GJA8: variants seen among roughly 807,000 people sequenced by gnomAD.
The protein encoded by GJA8 is gap junction protein alpha 8.
A neutral mutation model predicts 15.3 loss-of-function variants in GJA8; 13 were observed. The observed-to-expected ratio is 0.85, with a 90% confidence interval of 0.55 to 1.35. The LOEUF is 1.35. Among genes scored for constraint, GJA8 ranks in the 40% most tolerant of loss-of-function variants. The probability of loss-of-function intolerance (pLI) is 0.00; values close to 1 mark genes in which losing one functional copy is unlikely to be tolerated. For synonymous variants in GJA8, 304 were observed against 238.7 expected (o/e 1.27, Z -2.52); for missense variants, 607 against 553.3 (o/e 1.10, Z -0.97).
At chr1:147,912,896 A>T (rs1192600645), downstream of GJA8, among the ~76,000 whole-genome samples, 36 of 109,438 alleles carry the variant, frequency 3.3e-4, no homozygotes, top group East Asian at 3.8e-3. Context: ...GGCATTATTT[A>T]AAAAAAAAAA....
rs376625522 is a variant in GJA8 at position 147,908,998 on chromosome 1, A to T, written c.1043A>T (p.Glu348Val). ...GAGGGAGCCGAACCCGAGGTGGGAG[A>T]GAAGAAGGAGGAAGCAGAGAGGCTG... is the stretch of plus-strand genomic sequence containing the variant. ...AEEGAEPEVG[E>V]KKEEAERLTT... Residue 348 changes from glutamate to valine, a missense_variant, in exon 2 of 2, where the codon GAG (glutamate) becomes GTG (valine). Transcript: ENST00000369235. The T allele has an allele frequency of 3.1e-5, 50 of 1,593,976 alleles. No individual in the cohort carries two copies. The highest frequency in any genetic ancestry group is 4.1e-5 in the Non-Finnish European group (48 of 1,169,500).
At chr1:147,903,949 T>TTTTTTTTA (rs1651698137) in intron 1 of GJA8, among the ~76,000 whole-genome samples, 1 of 151,178 alleles carries the variant, frequency 6.6e-6, no homozygotes, top group Non-Finnish European at 1.5e-5. Flanking sequence ...TTTTTTTTTT[T>TTTTTTTTA]GAGACAGAGT....
chr1:147,906,936 G>A (rs1553242347), intron 1 of GJA8, among the ~76,000 whole-genome samples: 1 of 151,776 alleles, frequency 6.6e-6, no homozygotes, highest in East Asian at 1.9e-4. Context: ...CCAGGATGGA[G>A]TATAGTGGCA....
intron 1 of GJA8, among the ~76,000 whole-genome samples, chr1:147,906,111 T>A (rs984192108): frequency 5.9e-5 from 9 of 152,278 alleles, no homozygotes; most frequent in African/African-American, 2.2e-4. Context: ...TAGGCTTTTG[T>A]GTTTAACAAA....
At chr1:147,906,164 C>T (rs185160080) in intron 1 of GJA8, among the ~76,000 whole-genome samples, 68 of 152,342 alleles carry the variant, frequency 4.5e-4, no homozygotes, top group African/African-American at 1.6e-3. Context: ...CCTTTAGCCC[C>T]ATAGGTTCCT....
At chr1:147,909,383 T>G, downstream of GJA8, 1 of 756,932 alleles carries the variant, frequency 1.3e-6, no homozygotes, top group Non-Finnish European at 2.3e-6. Context: ...GGACAGGCAC[T>G]GCAGCAGGGC....
At chr1:147,907,842 TG>T (rs1651857666) in intron 1 of GJA8, 102 bp from the exon 2 acceptor site, 6 of 825,952 alleles carry the variant, frequency 7.3e-6, no homozygotes, top group South Asian at 1.3e-5. Flanking sequence ...TTGACCGTTC[TG>T]GCAACTTGGA....
chr1:147,909,890 C>G (rs587669103), downstream of GJA8, among the ~76,000 whole-genome samples: 3 of 152,224 alleles, frequency 2.0e-5, no homozygotes, highest in South Asian at 6.2e-4. Flanking sequence ...TTTAGACAGG[C>G]TCTCTCTTGC....
At chr1:147,907,495 T>C (rs933965445) in intron 1 of GJA8, among the ~76,000 whole-genome samples, 2 of 152,208 alleles carry the variant, frequency 1.3e-5, no homozygotes, top group African/African-American at 4.8e-5. Flanking sequence ...ACAAGAATTG[T>C]GTTGGGAGCC....
chr1:147,909,896 C>T (rs1379989822), downstream of GJA8, among the ~76,000 whole-genome samples: 1 of 152,136 alleles, frequency 6.6e-6, no homozygotes, highest in Non-Finnish European at 1.5e-5. Flanking sequence ...CAGGCTCTCT[C>T]TTGCCCAGGC....
chr1:147,904,618 C>T (rs2149013545), intron 1 of GJA8, among the ~76,000 whole-genome samples: 1 of 152,270 alleles, frequency 6.6e-6, no homozygotes, highest in South Asian at 2.1e-4. Flanking sequence ...GAGAAATAGT[C>T]TTCCTTTGGT....
downstream of GJA8, among the ~76,000 whole-genome samples, chr1:147,911,690 C>G (rs1309784459): frequency 6.6e-6 from 1 of 152,174 alleles, no homozygotes; most frequent in African/African-American, 2.4e-5. Flanking sequence ...AATGGCTGCA[C>G]TATTGCTCCC....
chr1:147,913,552 A>G (rs1199092157), downstream of GJA8, among the ~76,000 whole-genome samples: 1 of 152,200 alleles, frequency 6.6e-6, no homozygotes, highest in Non-Finnish European at 1.5e-5. Context: ...AAGGGGCTCC[A>G]TGGATACGGA....
At chr1:147,904,900 C>A (rs1180954852) in intron 1 of GJA8, among the ~76,000 whole-genome samples, 1 of 152,110 alleles carries the variant, frequency 6.6e-6, no homozygotes, top group Non-Finnish European at 1.5e-5. Context: ...TATAGAAAGA[C>A]ATGGGCTTGT....
At chr1:147,910,351 T>A (rs587765318), downstream of GJA8, among the ~76,000 whole-genome samples, 1 of 152,338 alleles carries the variant, frequency 6.6e-6, no homozygotes, top group South Asian at 2.1e-4. Context: ...TGGTCTCAAC[T>A]TGTTTCTGTG....
At chr1:147,912,878 G>C (rs1489137739), downstream of GJA8, among the ~76,000 whole-genome samples, 4 of 144,256 alleles carry the variant, frequency 2.8e-5, no homozygotes, top group South Asian at 2.2e-4. Flanking sequence ...CCCTGGCCTA[G>C]TGTTTTGGGC....
chr1:147,906,376 A>G (rs1043438823), intron 1 of GJA8, among the ~76,000 whole-genome samples: 2 of 152,232 alleles, frequency 1.3e-5, no homozygotes, highest in South Asian at 2.1e-4. Flanking sequence ...TGAATGACCC[A>G]GTTGCAGCCA....
In GJA8 at chr1:147,909,042, A is replaced by G. The variant is rs781984677; in HGVS notation, c.1087A>G (p.Lys363Glu). Residue 363 changes from lysine (K) to glutamate (E), a missense_variant, in exon 2 of 2, where the codon AAG becomes GAG. Lys to Glu is a moderately conservative substitution (Grantham distance 56). Transcript: ENST00000369235. Reference sequence around the variant, plus strand: ...GAGGCTGACCACGGAGGAGCAGGAGAAGGTGGCCGTGCCAGAGGGGGAGAA... The same window carrying G: ...GAGGCTGACCACGGAGGAGCAGGAGGAGGTGGCCGTGCCAGAGGGGGAGAA... ...AERLTTEEQE[K>E]VAVPEGEKVE... The G allele has an allele frequency of 1.8e-5, 29 of 1,599,346 alleles. No individual in the cohort carries two copies. Among genetic ancestry groups the G allele is most frequent in the Non-Finnish European group, 2.3e-5 (27 of 1,172,736 alleles).
chr1:147,909,310 A>G, downstream of GJA8: 1 of 1,308,382 alleles, frequency 7.6e-7, no homozygotes, highest in Non-Finnish European at 1.1e-6. Flanking sequence ...GGGCAAGATG[A>G]AAGGAACAGG....
Sources: gnomAD v4.1 joint callset for allele counts (sites outside exome capture counted in the v4.1 genomes callset) on GRCh38, gnomAD v4.1.1 for gene constraint, MANE v1.5 for transcripts, NCBI Gene and HGNC (gene_info 2026-07-23, HGNC 2026-07-21) for gene names.